ROR2: variants seen among roughly 807,000 people sequenced by gnomAD.
ROR2 encodes the protein ROR family WNT receptor 2.
ROR2 carries 33 observed loss-of-function variants against 74.9 expected under a neutral mutation model. The observed-to-expected ratio is 0.44, with a 90% CI of 0.33 to 0.59. The LOEUF (loss-of-function observed/expected upper bound fraction) is 0.59, where lower values mean the gene tolerates loss of function less well. Ranked by LOEUF, ROR2 falls within the 20% of genes least tolerant of loss-of-function variation. The pLI, the probability that ROR2 is intolerant of heterozygous loss-of-function variation, is 0.02. For synonymous variants in ROR2, 586 were observed against 558.7 expected (o/e 1.05, Z -0.69); for missense variants, 1,216 against 1,313.8 (o/e 0.93, Z 1.15).
intron 1 of ROR2, among the ~76,000 whole-genome samples, chr9:91,776,180 G>A (rs893902177): frequency 6.6e-6 from 1 of 152,220 alleles, no homozygotes; most frequent in Non-Finnish European, 1.5e-5. Flanking sequence ...TCTGTAGCCA[G>A]ATGCCGCAGA....
intron 1 of ROR2, among the ~76,000 whole-genome samples, chr9:91,874,505 G>A (rs1020722417): frequency 5.3e-5 from 8 of 152,270 alleles, no homozygotes; most frequent in African/African-American, 1.4e-4. Context: ...ATCCGTGTTC[G>A]AAAGAAGCCT....
At chr9:91,925,110 C>T (rs1272541535) in intron 1 of ROR2, among the ~76,000 whole-genome samples, 1 of 152,072 alleles carries the variant, frequency 6.6e-6, no homozygotes, top group Non-Finnish European at 1.5e-5. Flanking sequence ...CTTGGCCTCC[C>T]CCAAAGTGCT....
chr9:91,941,615 T>A (rs1033402052), intron 1 of ROR2, among the ~76,000 whole-genome samples: 1 of 152,190 alleles, frequency 6.6e-6, no homozygotes, highest in Admixed American at 6.5e-5. Flanking sequence ...TCCGTTAGTA[T>A]CCACGACAGC....
chr9:91,784,728 C>T (rs1397713712), intron 1 of ROR2, among the ~76,000 whole-genome samples: 1 of 152,230 alleles, frequency 6.6e-6, no homozygotes, highest in African/African-American at 2.4e-5. Flanking sequence ...AACACTACAT[C>T]CTTGAGCAAG....
At chr9:91,806,781 G>T (rs1035873331) in intron 1 of ROR2, among the ~76,000 whole-genome samples, 1 of 152,024 alleles carries the variant, frequency 6.6e-6, no homozygotes, top group South Asian at 2.1e-4. Context: ...AGTAGAGACG[G>T]GGTTTCACCG....
At chr9:91,865,367 G>A (rs571409680) in intron 1 of ROR2, among the ~76,000 whole-genome samples, 2 of 152,324 alleles carry the variant, frequency 1.3e-5, no homozygotes, top group South Asian at 4.1e-4. Context: ...ACCCAACTGT[G>A]AAACCACGTT....
chr9:91,911,432 A>G (rs1830976423), intron 1 of ROR2, among the ~76,000 whole-genome samples: 1 of 152,254 alleles, frequency 6.6e-6, no homozygotes, highest in Non-Finnish European at 1.5e-5. Flanking sequence ...CTAACACAGA[A>G]AAGTGCAGTT....
chr9:91,845,877 C>CAAAAAAAAA (rs5899143), intron 1 of ROR2, among the ~76,000 whole-genome samples: 29 of 33,892 alleles, frequency 8.6e-4, no homozygotes, highest in South Asian at 1.8e-3. Flanking sequence ...GAATCCATCT[C>CAAAAAAAAA]AAAAAAAAAA....
At chr9:91,741,836 G>C (rs1207603534) in intron 4 of ROR2, among the ~76,000 whole-genome samples, 1 of 152,136 alleles carries the variant, frequency 6.6e-6, no homozygotes, top group Non-Finnish European at 1.5e-5. Flanking sequence ...CTAATATGCA[G>C]CTGTATCAAA....
intron 8 of ROR2, 38 bp downstream of exon 8, chr9:91,726,503 G>C (rs753685242): frequency 1.3e-6 from 2 of 1,590,514 alleles, no homozygotes; most frequent in Admixed American, 1.7e-5. Context: ...ATTAAACCTG[G>C]AAGAGCCACC....
intron 1 of ROR2, among the ~76,000 whole-genome samples, chr9:91,874,933 C>CAA (rs748961994): frequency 1.3e-3 from 153 of 115,674 alleles, no homozygotes; most frequent in Middle Eastern, 4.8e-3. Context: ...AACTCCGTCT[C>CAA]AAAAAAAAAA....
At chr9:91,729,531 T>C (rs1335109753) in intron 7 of ROR2, among the ~76,000 whole-genome samples, 3 of 152,252 alleles carry the variant, frequency 2.0e-5, no homozygotes, top group African/African-American at 7.2e-5. Flanking sequence ...CCAGTGTTTA[T>C]TTCCTGCACT....
intron 2 of ROR2, among the ~76,000 whole-genome samples, chr9:91,764,367 T>C (rs35238595): frequency 0.098 from 14,883 of 152,242 alleles, 825 homozygotes; most frequent in Middle Eastern, 0.15. Context: ...ATGAGTTTTA[T>C]TTTTAATATT....
intron 1 of ROR2, among the ~76,000 whole-genome samples, chr9:91,892,386 T>C (rs1830442043): frequency 6.6e-6 from 1 of 152,300 alleles, no homozygotes; most frequent in African/African-American, 2.4e-5. Flanking sequence ...GGCTCCCACC[T>C]TGGGCAAGTC....
At chr9:91,729,206 T>A (rs1837152226) in intron 7 of ROR2, among the ~76,000 whole-genome samples, 1 of 152,130 alleles carries the variant, frequency 6.6e-6, no homozygotes, top group Non-Finnish European at 1.5e-5. Flanking sequence ...CTGTGTGTGC[T>A]CACACACAAA....
rs1452437791 is a variant in ROR2 at position 91,724,607 on chromosome 9, C to T, written c.1887G>A (p.Val629=). The change falls in exon 9 of 9, where the codon GTG becomes GTA. Residue 629 remains valine, a synonymous_variant. Transcript: ENST00000375708. ...GGAAGAGGCCCAAGTCTGAGATCTT[C>T]ACGTTCAGCTTGTCGTACACTAGCA... ...RNVLVYDKLN[V]KISDLGLFRE... 6.2e-7 allele frequency: 1 copy of T among 1,614,110 alleles called. No homozygotes were observed. Among genetic ancestry groups the T allele is most frequent in the Non-Finnish European group, 8.5e-7 (1 of 1,180,050 alleles).
chr9:91,871,578 C>T (rs1029077624), intron 1 of ROR2, among the ~76,000 whole-genome samples: 1 of 152,130 alleles, frequency 6.6e-6, no homozygotes, highest in Non-Finnish European at 1.5e-5. Flanking sequence ...CATATGGTGT[C>T]CCCGACACTC....
intron 1 of ROR2, chr9:91,948,902 TC>T (rs1832087873): frequency 1.0e-6 from 1 of 984,794 alleles, no homozygotes; most frequent in African/African-American, 1.8e-5. Flanking sequence ...CGGGAGGTGC[TC>T]CCGGAGTCTG....
At chr9:91,919,410 C>T (rs972709663) in intron 1 of ROR2, among the ~76,000 whole-genome samples, 6 of 152,188 alleles carry the variant, frequency 3.9e-5, no homozygotes, top group Non-Finnish European at 2.9e-5. Flanking sequence ...AAGGCCAACT[C>T]GTGTAATAAC....
Sources: allele counts gnomAD v4.1 joint callset (sites outside exome capture counted in the v4.1 genomes callset), GRCh38; gene constraint gnomAD v4.1.1; transcripts MANE v1.5; gene names NCBI Gene and HGNC (gene_info 2026-07-23, HGNC 2026-07-21).